DGKD: variants seen among roughly 807,000 people sequenced by gnomAD.
DGKD encodes the protein diacylglycerol kinase delta.
In DGKD, 68 loss-of-function variants were observed where a neutral mutation model predicts 154.4. That is an observed-to-expected ratio of 0.44 (90% CI 0.36 to 0.54). The LOEUF (loss-of-function observed/expected upper bound fraction) is 0.54. Among genes scored for constraint, DGKD ranks in the 20% least tolerant of loss-of-function variants. The pLI is 0.00. For missense variants in DGKD, 1,343 were observed against 1,593.6 expected (o/e 0.84, Z 2.68); for synonymous variants, 693 against 638.0 (o/e 1.09, Z -1.30).
intron 3 of DGKD, chr2:233,408,833 A>G (rs771138855): frequency 6.6e-6 from 1 of 152,302 alleles, no homozygotes; most frequent in Non-Finnish European, 1.5e-5. Flanking sequence ...GGTAATCCAC[A>G]CTGTGTTCTC....
intron 1 of DGKD, among the ~76,000 whole-genome samples, chr2:233,360,063 C>T (rs2125373070): frequency 6.6e-6 from 1 of 152,136 alleles, no homozygotes; most frequent in South Asian, 2.1e-4. Context: ...GCACAGTCTG[C>T]TAATAAGATG....
intron 10 of DGKD, 154 bp downstream of exon 10, chr2:233,442,149 C>A: frequency 1.3e-6 from 1 of 780,164 alleles, no homozygotes; most frequent in Non-Finnish European, 2.2e-6. Flanking sequence ...GTGGCCAGGG[C>A]AGAGAGGGGA....
chr2:233,446,639 A>G (rs1185232986), intron 11 of DGKD, 73 bp from the exon 12 acceptor site: 1 of 1,494,252 alleles, frequency 6.7e-7, no homozygotes, highest in Admixed American at 1.9e-5. Context: ...CAGCCGTGAA[A>G]GCGGACGGCG....
intron 3 of DGKD, among the ~76,000 whole-genome samples, chr2:233,419,808 C>G (rs756968538): frequency 6.6e-6 from 1 of 152,050 alleles, no homozygotes; most frequent in Non-Finnish European, 1.5e-5. Flanking sequence ...CCTTGTCTGT[C>G]GACGGTGCAG....
At chr2:233,394,588 G>A (rs1220296136) in intron 3 of DGKD, among the ~76,000 whole-genome samples, 1 of 148,990 alleles carries the variant, frequency 6.7e-6, no homozygotes, top group East Asian at 2.0e-4. Context: ...GTATTTCTAA[G>A]TCTTCTTTTC....
At chr2:233,369,777 G>A (rs1305742561) in intron 1 of DGKD, among the ~76,000 whole-genome samples, 1 of 152,142 alleles carries the variant, frequency 6.6e-6, no homozygotes, top group Non-Finnish European at 1.5e-5. Flanking sequence ...GAATTCATGT[G>A]CAATGGCCCC....
chr2:233,429,136 C>G (rs2062419811), intron 3 of DGKD: 4 of 985,348 alleles, frequency 4.1e-6, no homozygotes, highest in Non-Finnish European at 4.8e-6. Context: ...GCCCAAAGAT[C>G]CATCTTCTCA....
At chr2:233,366,797 G>A (rs1029068506) in intron 1 of DGKD, among the ~76,000 whole-genome samples, 3 of 152,078 alleles carry the variant, frequency 2.0e-5, no homozygotes, top group African/African-American at 7.2e-5. Flanking sequence ...TGCTGGGGCC[G>A]TTGGCTTTTA....
In DGKD at chr2:233,441,799, C is replaced by G; in HGVS notation, c.1086-88C>G. The G allele has an allele frequency of 8.1e-7, 1 of 1,236,016 alleles. No homozygotes were observed. The highest frequency in any genetic ancestry group is 1.4e-5 in the South Asian group (1 of 73,916). The allele number at this position is 1,236,016 out of a possible 1,614,324, so 76.6% of individuals were successfully genotyped here. On this transcript the variant is annotated intron_variant, in intron 9 of 29. Coordinates refer to ENST00000264057, the MANE Select transcript of DGKD (RefSeq NM_152879.3). The surrounding 1 kb of genome is among the most constrained non-coding windows in gnomAD (Gnocchi z 5.6). ...TGGTGCAGGTCAGCCATGAGGAGCA[C>G]AGGTGGCCCCTCAGCCCCGTACTGA...
At chr2:233,455,932 T>C (rs1038579855) in intron 19 of DGKD, among the ~76,000 whole-genome samples, 9 of 152,216 alleles carry the variant, frequency 5.9e-5, no homozygotes, top group Admixed American at 5.2e-4. Context: ...CAGCACAGGA[T>C]GGTAACGTCA....
At position 233,459,688 on chromosome 2, in the gene DGKD, T is replaced by C. The variant is rs2063562456; in HGVS notation, c.2695-69T>C. On this transcript the variant is annotated intron_variant, in intron 22 of 29. Transcript: ENST00000264057. This position sits in a 1 kb window ranked among gnomAD's most constrained non-coding sequence, Gnocchi z 5.7. ...GTGTGGAGCAGGAAGGTCATGGTGG[T>C]GCTGATAGCACTTTTAAACCCCTGG... is the stretch of plus-strand genomic sequence containing the variant. 6.4e-7 allele frequency: 1 copy of C among 1,567,614 alleles called. No homozygotes were observed. Among genetic ancestry groups the C allele is most frequent in the East Asian group, 2.3e-5 (1 of 44,340 alleles).
intron 3 of DGKD, among the ~76,000 whole-genome samples, chr2:233,431,663 A>C (rs2062516729): frequency 6.6e-6 from 1 of 152,236 alleles, no homozygotes; most frequent in African/African-American, 2.4e-5. Context: ...CCCAGAAATA[A>C]ATTCATACAT....
rs73995974 is a variant in DGKD, at chr2:233,457,905, T to C, written c.2581-379T>C. ...GGTTTAAACCTGGTTTAAACCTTCCTTTGTACGTAATAGCGAATAGAAGTA... is the reference window on the plus strand; with the variant it reads ...GGTTTAAACCTGGTTTAAACCTTCCCTTGTACGTAATAGCGAATAGAAGTA... On this transcript the variant is annotated intron_variant, in intron 21 of 29. Coordinates refer to ENST00000264057, the MANE Select transcript of DGKD (RefSeq NM_152879.3). This position sits in a 1 kb window ranked among gnomAD's most constrained non-coding sequence, Gnocchi z 5.5. 0.017 allele frequency: 5,322 copies of C among 317,064 alleles called. 261 individuals are homozygous for C. Among genetic ancestry groups the C allele is most frequent in the African/African-American group, 0.11 (5,004 of 46,930 alleles). The allele number at this position is 317,064 out of a possible 1,614,324, so 19.6% of individuals were successfully genotyped here.
At chr2:233,455,724 C>T (rs749531541) in intron 19 of DGKD, among the ~76,000 whole-genome samples, 6 of 152,352 alleles carry the variant, frequency 3.9e-5, no homozygotes, top group East Asian at 1.9e-4. Context: ...CCTGTGGCCT[C>T]GCCCTCCTCA....
intron 3 of DGKD, 47 bp downstream of exon 3, chr2:233,390,530 C>A: frequency 6.7e-7 from 1 of 1,484,088 alleles, no homozygotes. Context: ...CTGAAGTTGG[C>A]TTTCCTTTTT....
At position 233,458,273 on chromosome 2, in the gene DGKD, G is replaced by A; in HGVS notation, c.2581-11G>A. 1 of 1,596,074 alleles carries A rather than the reference G, an allele frequency of 6.3e-7. No individual in the cohort carries two copies. Among genetic ancestry groups the A allele is most frequent in the South Asian group, 1.1e-5 (1 of 90,364 alleles). ...GTGGAGTGGTGGTCAGCTCTAACGT[G>A]TCCCTTGCAGACTTTCGCAGCTCCA... On this transcript the variant is annotated splice_polypyrimidine_tract_variant and intron_variant, in intron 21 of 29. Coordinates refer to ENST00000264057, the MANE Select transcript of DGKD (RefSeq NM_152879.3). This position sits in a 1 kb window ranked among gnomAD's most constrained non-coding sequence, Gnocchi z 6.6.
At chr2:233,377,320 G>A (rs1023159734) in intron 1 of DGKD, among the ~76,000 whole-genome samples, 14 of 152,134 alleles carry the variant, frequency 9.2e-5, no homozygotes, top group Non-Finnish European at 2.1e-4. Flanking sequence ...CTAACCTCAG[G>A]TGATCCACCC....
chr2:233,425,734 T>C (rs1458745550), intron 3 of DGKD, among the ~76,000 whole-genome samples: 1 of 152,222 alleles, frequency 6.6e-6, no homozygotes, highest in Non-Finnish European at 1.5e-5. Flanking sequence ...TTTTAGTGGC[T>C]GCATAGTTTT....
chr2:233,368,644 A>G (rs1702158691), intron 1 of DGKD, among the ~76,000 whole-genome samples: 1 of 152,238 alleles, frequency 6.6e-6, no homozygotes, highest in Non-Finnish European at 1.5e-5. Context: ...GTAAATAGTC[A>G]TCCCCAGTAG....
Sources: gnomAD v4.1 joint callset for allele counts (sites outside exome capture counted in the v4.1 genomes callset) on GRCh38, gnomAD v4.1.1 for gene constraint, Gnocchi (gnomAD v3.1) non-coding constraint, MANE v1.5 for transcripts, NCBI Gene and HGNC (gene_info 2026-07-23, HGNC 2026-07-21) for gene names.